Variants in PTPN14 observed in about 807,000 individuals in gnomAD.
The protein encoded by PTPN14 is protein tyrosine phosphatase non-receptor type 14, also known as tyrosine-protein phosphatase non-receptor type 14.
PTPN14 carries 53 observed loss-of-function variants against 126.8 expected under a neutral mutation model. That is an observed-to-expected ratio of 0.42 (90% CI 0.34 to 0.53). The LOEUF (loss-of-function observed/expected upper bound fraction) is 0.53. Ranked by LOEUF, PTPN14 falls within the 20% of genes least tolerant of loss-of-function variation. The pLI is 0.08. For missense variants in PTPN14, 1,257 were observed against 1,552.9 expected (o/e 0.81, Z 3.20); for synonymous variants, 630 against 599.3 (o/e 1.05, Z -0.75).
chr1:214,442,345 A>C (rs115780105), intron 3 of PTPN14, among the ~76,000 whole-genome samples: 1,901 of 152,316 alleles, frequency 0.012, 15 homozygotes, highest in Middle Eastern at 0.037. Context: ...GTGCTCAAAA[A>C]GTTTTCAATT....
intron 3 of PTPN14, among the ~76,000 whole-genome samples, chr1:214,434,199 A>G: frequency 6.6e-6 from 1 of 152,136 alleles, no homozygotes; most frequent in East Asian, 1.9e-4. Flanking sequence ...GCAAATATAA[A>G]GAGGGAAAAA....
chr1:214,527,279 G>C (rs1173899522), intron 1 of PTPN14, among the ~76,000 whole-genome samples: 1 of 152,036 alleles, frequency 6.6e-6, no homozygotes, highest in Admixed American at 6.6e-5. Context: ...GAATATATTG[G>C]GTCTATACTT....
intron 13 of PTPN14, among the ~76,000 whole-genome samples, chr1:214,382,456 G>C (rs1358260942): frequency 6.6e-6 from 1 of 152,138 alleles, no homozygotes; most frequent in African/African-American, 2.4e-5. Context: ...TGATTAGCTA[G>C]GACTACAGGC....
intron 1 of PTPN14, among the ~76,000 whole-genome samples, chr1:214,479,580 T>C (rs529878741): frequency 6.6e-6 from 1 of 152,114 alleles, no homozygotes; most frequent in Admixed American, 6.5e-5. Context: ...CCTCAGTTCA[T>C]CTACCACCTC....
At position 214,544,665 on chromosome 1, in the gene PTPN14, C is replaced by T. The variant is rs964398323; in HGVS notation, c.-155+6518G>A. ...ACTCAGGAGGCTGAGGTAGGAGAAT[C>T]GCTTGAACCTGGGAGGTGGAGGTTG... On this transcript the variant is annotated intron_variant, in intron 1 of 18. Coordinates refer to ENST00000366956, the MANE Select transcript of PTPN14 (RefSeq NM_005401.5). 2.6e-5 allele frequency among the ~76,000 whole-genome samples: 4 copies of T among 151,794 alleles called. No individual in the cohort carries two copies. In the South Asian group the frequency reaches 6.3e-4, roughly 24 times the overall value.
chr1:214,546,775 T>A (rs538210550), intron 1 of PTPN14, among the ~76,000 whole-genome samples: 1 of 152,178 alleles, frequency 6.6e-6, no homozygotes, highest in South Asian at 2.1e-4. Flanking sequence ...AGGCTCAAGA[T>A]GAAACTCTTG....
intron 11 of PTPN14, among the ~76,000 whole-genome samples, chr1:214,388,379 C>T (rs1428642878): frequency 1.3e-5 from 2 of 151,992 alleles, no homozygotes; most frequent in African/African-American, 4.8e-5. Context: ...AGCCACCGAA[C>T]AGGATAATCT....
intron 5 of PTPN14, among the ~76,000 whole-genome samples, chr1:214,410,891 T>C (rs1307300397): frequency 1.3e-5 from 2 of 152,234 alleles, no homozygotes; most frequent in African/African-American, 4.8e-5. Context: ...TAGTGTGGTA[T>C]CTCCTGCTTA....
intron 2 of PTPN14, among the ~76,000 whole-genome samples, chr1:214,459,652 A>G (rs925487856): frequency 6.6e-6 from 1 of 151,870 alleles, no homozygotes; most frequent in Non-Finnish European, 1.5e-5. Flanking sequence ...GTATTTTAGT[A>G]GGGACGGGGT....
At chr1:214,393,548 T>C (rs1658807388) in intron 10 of PTPN14, 147 bp downstream of exon 10, 1 of 670,958 alleles carries the variant, frequency 1.5e-6, no homozygotes, top group South Asian at 1.9e-5. Context: ...AAGTTTTCAT[T>C]CCTGCCCTGG....
chr1:214,515,308 A>T lies in PTPN14; in HGVS notation c.-155+35875T>A, dbSNP rs1340135767. On this transcript the variant is annotated intron_variant, in intron 1 of 18. Coordinates refer to ENST00000366956, the MANE Select transcript of PTPN14 (RefSeq NM_005401.5). ...AGTATCCACTATCCACTAGGCACTT[A>T]TTTTTTTTTTAACGATAATATGTCT... Among the ~76,000 whole-genome samples the T allele has an allele frequency of 4.0e-5, 6 of 149,372 alleles. No homozygotes were observed. The East Asian group carries it at 1.2e-3, about 29-fold the overall frequency.
intron 3 of PTPN14, among the ~76,000 whole-genome samples, chr1:214,445,253 G>A (rs762428908): frequency 2.6e-5 from 4 of 152,150 alleles, no homozygotes; most frequent in African/African-American, 9.7e-5. Context: ...ACCAGATAGA[G>A]GGTACTTGGA....
chr1:214,371,178 C>T (rs1384396439), intron 16 of PTPN14, among the ~76,000 whole-genome samples: 1 of 152,162 alleles, frequency 6.6e-6, no homozygotes, highest in Non-Finnish European at 1.5e-5. Flanking sequence ...ACCTCCAATG[C>T]CACTCCCTCA....
At chr1:214,392,996 G>A (rs1281282298) in intron 10 of PTPN14, among the ~76,000 whole-genome samples, 1 of 152,180 alleles carries the variant, frequency 6.6e-6, no homozygotes, top group Non-Finnish European at 1.5e-5. Flanking sequence ...CGCCCAAACC[G>A]CTGAATGTAT....
At chr1:214,376,842 C>G (rs939342302) in intron 14 of PTPN14, among the ~76,000 whole-genome samples, 4 of 151,952 alleles carry the variant, frequency 2.6e-5, no homozygotes, top group African/African-American at 9.7e-5. Context: ...CTCTTTTTTC[C>G]TCCTTCCTGG....
intron 1 of PTPN14, among the ~76,000 whole-genome samples, chr1:214,473,906 C>T (rs2102665934): frequency 6.6e-6 from 1 of 152,264 alleles, no homozygotes; most frequent in South Asian, 2.1e-4. Flanking sequence ...TTATTTTTAG[C>T]CAAGTAAAGC....
At chr1:214,411,595 C>A in intron 5 of PTPN14, 89 bp downstream of exon 5, 3 of 957,686 alleles carry the variant, frequency 3.1e-6, no homozygotes, top group Non-Finnish European at 3.2e-6. Flanking sequence ...AGGGAATATG[C>A]ATATGTAAAA....
intron 3 of PTPN14, among the ~76,000 whole-genome samples, chr1:214,446,181 G>T (rs1439432214): frequency 6.6e-6 from 1 of 152,148 alleles, no homozygotes; most frequent in East Asian, 1.9e-4. Flanking sequence ...ATGGTTTCAT[G>T]ACTCATCCCC....
At chr1:214,531,823 G>A (rs1453559126) in intron 1 of PTPN14, 1 of 152,206 alleles carries the variant, frequency 6.6e-6, no homozygotes, top group African/African-American at 2.4e-5. Context: ...AAAGCCGTAG[G>A]AAAGACCCGT....
Sources: allele counts gnomAD v4.1 joint callset (sites outside exome capture counted in the v4.1 genomes callset), GRCh38; gene constraint gnomAD v4.1.1; transcripts MANE v1.5; gene names NCBI Gene and HGNC (gene_info 2026-07-23, HGNC 2026-07-21).